The following SASH1 variants were observed in gnomAD, a reference collection of about 807,000 sequenced individuals.
SASH1 encodes the protein SAM and SH3 domain containing 1.
In SASH1, 44 loss-of-function variants were observed where a neutral mutation model predicts 125.2. The ratio of observed to expected loss-of-function variants is 0.35; its 90% CI spans 0.28 to 0.45. SASH1 has a LOEUF of 0.45. SASH1 is among the 20% of genes least tolerant of loss of function. The pLI is 1.00. For missense variants in SASH1, 1,426 were observed against 1,614.5 expected, an observed-to-expected ratio of 0.88 and a Z score of 2.00; for synonymous variants, 639 against 649.1, an observed-to-expected ratio of 0.98 and a Z score of 0.24.
chr6:148,413,569 C>T (rs764220306), intron 2 of SASH1, among the ~76,000 whole-genome samples: 12 of 152,082 alleles, frequency 7.9e-5, no homozygotes, highest in East Asian at 1.9e-4. Context: ...TCAAGAGAAG[C>T]GGTAGGAGTG....
At chr6:148,483,352 A>G (rs558592696) in intron 7 of SASH1, among the ~76,000 whole-genome samples, 14 of 152,096 alleles carry the variant, frequency 9.2e-5, no homozygotes, top group Non-Finnish European at 1.5e-4. Flanking sequence ...AACTATTCTT[A>G]AGGGATCCTC....
chr6:148,193,764 T>C, the SASH1 span, among the ~76,000 whole-genome samples: 1 of 152,368 alleles, frequency 6.6e-6, no homozygotes, highest in Non-Finnish European at 1.5e-5. Flanking sequence ...AAACGTGCCT[T>C]CTACATATCA....
chr6:148,496,286 T>C (rs1205443792), intron 8 of SASH1, among the ~76,000 whole-genome samples: 2 of 152,222 alleles, frequency 1.3e-5, no homozygotes, highest in Non-Finnish European at 2.9e-5. Context: ...TGGGTTTAAA[T>C]TTAAAAGGGT....
At chr6:148,371,095 C>T (rs1422819671) in intron 1 of SASH1, among the ~76,000 whole-genome samples, 1 of 152,094 alleles carries the variant, frequency 6.6e-6, no homozygotes, top group African/African-American at 2.4e-5. Flanking sequence ...CAGGAGTGGC[C>T]AATCTCCCTT....
the SASH1 span, among the ~76,000 whole-genome samples, chr6:148,236,876 G>A: frequency 2.6e-5 from 4 of 152,190 alleles, no homozygotes; most frequent in African/African-American, 4.8e-5. Flanking sequence ...TTTAGATCAC[G>A]AGGGTTCCAT....
chr6:148,513,193 T>C (rs1200000921), intron 8 of SASH1: 1 of 985,350 alleles, frequency 1.0e-6, no homozygotes, highest in East Asian at 1.1e-4. Context: ...TACATTAGAT[T>C]TGTATTCAGA....
At chr6:148,381,627 T>TTTTTTTC (rs1162416206) in intron 1 of SASH1, among the ~76,000 whole-genome samples, 1 of 121,084 alleles carries the variant, frequency 8.3e-6, no homozygotes, top group Admixed American at 9.9e-5. Context: ...CTTTTTTTTT[T>TTTTTTTC]TTTTTTTTTT....
In SASH1 at chr6:148,534,938, G is replaced by A. The variant is rs745397873; in HGVS notation, c.2095+37G>A. ...TATGCACAGAGGTGTTCCCTGTGAG[G>A]TCTGCCACAGCAGGCCCCACGTATG... On this transcript the variant is annotated intron_variant, in intron 16 of 19. Coordinates refer to ENST00000367467, the MANE Select transcript of SASH1 (RefSeq NM_015278.5). The A allele has an allele frequency of 4.2e-5, 67 of 1,609,728 alleles. 2 individuals are homozygous for A. In the South Asian group the frequency reaches 7.4e-4, roughly 18 times the overall value.
chr6:148,296,592 C>T (rs1478379372), intron 1 of SASH1, among the ~76,000 whole-genome samples: 2 of 152,172 alleles, frequency 1.3e-5, no homozygotes, highest in Non-Finnish European at 2.9e-5. Context: ...AACTAAGGCT[C>T]AATAGGATAG....
At chr6:148,525,242 C>T in intron 10 of SASH1, 49 bp from the exon 11 acceptor site, 2 of 1,463,236 alleles carry the variant, frequency 1.4e-6, no homozygotes, top group Non-Finnish European at 1.9e-6. Flanking sequence ...GCACTGCCGG[C>T]TGGCTTAAGC....
intron 1 of SASH1, among the ~76,000 whole-genome samples, chr6:148,288,350 G>T (rs1319067771): frequency 6.6e-6 from 1 of 152,228 alleles, no homozygotes; most frequent in African/African-American, 2.4e-5. Context: ...CCCTGTGACA[G>T]TGGCAGAAAC....
chr6:148,230,323 A>G, the SASH1 span, among the ~76,000 whole-genome samples: 1 of 152,078 alleles, frequency 6.6e-6, no homozygotes, highest in African/African-American at 2.4e-5. Flanking sequence ...TGATCAATAT[A>G]AGAGATTTTT....
intron 4 of SASH1, among the ~76,000 whole-genome samples, chr6:148,441,442 G>C (rs1776543466): frequency 6.6e-6 from 1 of 152,132 alleles, no homozygotes; most frequent in African/African-American, 2.4e-5. Flanking sequence ...CAAGGCCACT[G>C]CCCACTCAGG....
At chr6:148,200,586 C>T in the SASH1 span, among the ~76,000 whole-genome samples, 1 of 152,200 alleles carries the variant, frequency 6.6e-6, no homozygotes, top group Non-Finnish European at 1.5e-5. Context: ...TGGTGTGGCT[C>T]TTGAACAATG....
chr6:148,490,153 G>A (rs1779046025), intron 8 of SASH1, among the ~76,000 whole-genome samples: 1 of 151,098 alleles, frequency 6.6e-6, no homozygotes, highest in Non-Finnish European at 1.5e-5. Context: ...GACCAAAACA[G>A]TGCTTCTTAT....
intron 1 of SASH1, among the ~76,000 whole-genome samples, chr6:148,332,951 C>T (rs903439978): frequency 1.2e-4 from 18 of 152,140 alleles, no homozygotes; most frequent in Admixed American, 3.3e-4. Flanking sequence ...TGTGGCACTG[C>T]ACTCCAGGCT....
intron 8 of SASH1, among the ~76,000 whole-genome samples, chr6:148,492,881 C>T (rs959658462): frequency 6.6e-6 from 1 of 151,562 alleles, no homozygotes; most frequent in Non-Finnish European, 1.5e-5. Flanking sequence ...AATAAAATCA[C>T]ACTCGTGTAT....
intron 2 of SASH1, among the ~76,000 whole-genome samples, chr6:148,396,551 C>T (rs1022961618): frequency 1.8e-4 from 27 of 150,106 alleles, no homozygotes; most frequent in Non-Finnish European, 3.7e-4. Context: ...CTTATCATTC[C>T]TTGCAATTTT....
intron 4 of SASH1, among the ~76,000 whole-genome samples, chr6:148,466,311 G>A (rs1473678206): frequency 1.3e-5 from 2 of 152,184 alleles, no homozygotes; most frequent in Non-Finnish European, 2.9e-5. Flanking sequence ...TCAGATTTTT[G>A]TGCTGGTCAT....
Sources: allele counts gnomAD v4.1 joint callset (sites outside exome capture counted in the v4.1 genomes callset), GRCh38; gene constraint gnomAD v4.1.1; transcripts MANE v1.5; gene names NCBI Gene and HGNC (gene_info 2026-07-23, HGNC 2026-07-21).